TGFBRAP1: variants seen among roughly 807,000 people sequenced by gnomAD.
The protein encoded by TGFBRAP1 is transforming growth factor-beta receptor-associated protein 1.
In TGFBRAP1, 20 loss-of-function variants were observed where a neutral mutation model predicts 83.2. That is an observed-to-expected ratio of 0.24 (90% CI 0.17 to 0.35). The LOEUF is 0.35. Among genes scored for constraint, TGFBRAP1 ranks in the 10% least tolerant of loss-of-function variants. The pLI is 1.00. For missense variants in TGFBRAP1, 950 were observed against 1,099.4 expected (o/e 0.86, Z 1.92); for synonymous variants, 415 against 459.8 (o/e 0.90, Z 1.25).
At chr2:105,254,159 CT>C in the TGFBRAP1 span, among the ~76,000 whole-genome samples, 1 of 151,848 alleles carries the variant, frequency 6.6e-6, no homozygotes, top group Non-Finnish European at 1.5e-5. Flanking sequence ...CTAAAATAAA[CT>C]TCTAAAAGTG....
chr2:105,276,649 T>C (rs1677360203), intron 7 of TGFBRAP1, among the ~76,000 whole-genome samples: 2 of 152,250 alleles, frequency 1.3e-5, no homozygotes, highest in African/African-American at 4.8e-5. Flanking sequence ...ACAGCTCTGC[T>C]AAAGTTATTA....
chr2:105,305,891 G>A (rs1678478726), intron 2 of TGFBRAP1, among the ~76,000 whole-genome samples: 1 of 152,126 alleles, frequency 6.6e-6, no homozygotes, highest in Non-Finnish European at 1.5e-5. Context: ...CTGACCTCAG[G>A]TGATCTGCCT....
chr2:105,321,017 C>T (rs1679042551), intron 1 of TGFBRAP1, among the ~76,000 whole-genome samples: 1 of 152,202 alleles, frequency 6.6e-6, no homozygotes, highest in African/African-American at 2.4e-5. Context: ...TCAGAATGGG[C>T]TCTGGGGGAC....
At position 105,294,307 on chromosome 2, in the gene TGFBRAP1, G is replaced by GGTGTGTGTGTGTGT. The variant is rs3060066; in HGVS notation, c.1038+2035_1038+2048dup. On this transcript the variant is annotated intron_variant, in intron 4 of 11. Transcript: ENST00000393359. ...TAGGCATGTGCTTCATAGGAGTGAG[G>GGTGTGTGTGTGTGT]GTGTGTGTGTGTGTGTGTGTGTGTG... is the stretch of plus-strand genomic sequence containing the variant. Among the ~76,000 whole-genome samples, 1,015 of 147,974 alleles carry GGTGTGTGTGTGTGT rather than the reference G, an allele frequency of 6.9e-3. 13 individuals are homozygous for GGTGTGTGTGTGTGT. Among genetic ancestry groups the GGTGTGTGTGTGTGT allele is most frequent in the African/African-American group, 0.024 (962 of 39,866 alleles).
chr2:105,309,577 A>G (rs1410189241), intron 1 of TGFBRAP1, among the ~76,000 whole-genome samples: 2 of 152,088 alleles, frequency 1.3e-5, no homozygotes, highest in African/African-American at 4.8e-5. Flanking sequence ...GGAATTCTAC[A>G]ATTTTGTGTC....
At chr2:105,329,570 A>C (rs1180488066) in intron 1 of TGFBRAP1, 55 bp downstream of exon 1, 1 of 84,734 alleles carries the variant, frequency 1.2e-5, no homozygotes, top group African/African-American at 4.4e-5. Flanking sequence ...CTCCTGCCCC[A>C]CGCGCCCCGC....
chr2:105,293,364 A>G (rs1161790096), intron 4 of TGFBRAP1, among the ~76,000 whole-genome samples: 2 of 152,336 alleles, frequency 1.3e-5, no homozygotes, highest in East Asian at 1.9e-4. Flanking sequence ...CTTGCTTTCT[A>G]AAGTTCTGAA....
chr2:105,267,676 G>T, intron 11 of TGFBRAP1, 117 bp from the exon 12 acceptor site: 1 of 1,495,278 alleles, frequency 6.7e-7, no homozygotes, highest in Middle Eastern at 1.8e-4. Flanking sequence ...TTATGATGAG[G>T]ATTTCTTTAA....
chr2:105,307,526 T>C, intron 2 of TGFBRAP1, 88 bp downstream of exon 2: 1 of 1,372,454 alleles, frequency 7.3e-7, no homozygotes, highest in Admixed American at 2.1e-5. Context: ...GGATTTATTC[T>C]GCACAGCGCC....
chr2:105,273,679 C>G lies in TGFBRAP1; in HGVS notation c.1677G>C (p.Gln559His), dbSNP rs1488027435. Reference sequence around the variant, plus strand: ...CATCCAAAGGTCTCTTGGTGAAAACCTGAACTCCGACCTGAAAGAGGAGCG... The same window carrying G: ...CATCCAAAGGTCTCTTGGTGAAAACGTGAACTCCGACCTGAAAGAGGAGCG... ...VLQKSEEVGV[Q>H]VFTKRPLDEQ... Residue 559 changes from glutamine to histidine, a missense_variant, in exon 9 of 12, where the codon CAG becomes CAC. Transcript: ENST00000393359. 1 of 1,614,084 alleles carries G rather than the reference C, an allele frequency of 6.2e-7. No homozygotes were observed. The highest frequency in any genetic ancestry group is 1.7e-5 in the Admixed American group (1 of 60,006).
intron 11 of TGFBRAP1, 121 bp from the exon 12 acceptor site, chr2:105,267,680 T>A: frequency 2.0e-6 from 3 of 1,490,674 alleles, no homozygotes; most frequent in Non-Finnish European, 2.7e-6. Flanking sequence ...GATGAGGATT[T>A]CTTTAATATC....
Position 105,307,861 on chromosome 2 carries a change from GGT to G in TGFBRAP1, c.439_440del (p.Thr147HisfsTer60). 6.2e-7 allele frequency: 1 copy of G among 1,614,230 alleles called. No homozygotes were observed. The highest frequency in any genetic ancestry group is 8.5e-7 in the Non-Finnish European group (1 of 1,180,048). ...CCTCGTACACCAGAAACATCTGGAT[GGT>G]TCTGCGTTTGACAGAGATGATGCAA... ...EVCIISVKRR[T>X]IQMFLVYEDR... On this transcript the variant is annotated frameshift_variant, in exon 2 of 12. Transcript: ENST00000393359. LOFTEE classifies it high-confidence loss of function.
intron 1 of TGFBRAP1, among the ~76,000 whole-genome samples, chr2:105,317,061 A>G (rs1416006962): frequency 6.7e-6 from 1 of 150,334 alleles, no homozygotes; most frequent in African/African-American, 2.5e-5. Context: ...CCGTGTATAC[A>G]CATGTACAGT....
intron 7 of TGFBRAP1, among the ~76,000 whole-genome samples, chr2:105,277,234 C>T (rs1677380188): frequency 6.6e-6 from 1 of 152,278 alleles, no homozygotes; most frequent in South Asian, 2.1e-4. Context: ...AATAATGTAC[C>T]CAGCTCATTG....
In TGFBRAP1 at chr2:105,307,597, A is replaced by G; in HGVS notation, c.688+17T>C. On this transcript the variant is annotated intron_variant, in intron 2 of 11. Transcript: ENST00000393359. ...GGCCACCCAAAAAGATCAGGCGCAC[A>G]AATGCATCCTCCTCACCCAGCCCTC... is the stretch of plus-strand genomic sequence containing the variant. 6.3e-7 allele frequency: 1 copy of G among 1,588,376 alleles called. No homozygotes were observed. Among genetic ancestry groups the G allele is most frequent in the Non-Finnish European group, 8.6e-7 (1 of 1,169,240 alleles).
chr2:105,276,804 C>T (rs1361707165), intron 7 of TGFBRAP1, among the ~76,000 whole-genome samples: 2 of 152,126 alleles, frequency 1.3e-5, no homozygotes, highest in African/African-American at 4.8e-5. Flanking sequence ...TTCTGCTCTG[C>T]AATCAGGTTA....
intron 2 of TGFBRAP1, among the ~76,000 whole-genome samples, chr2:105,299,612 G>C (rs907072095): frequency 1.3e-5 from 2 of 152,028 alleles, no homozygotes; most frequent in African/African-American, 4.8e-5. Context: ...AAAAGGGCAA[G>C]GACCTGGGGC....
intron 1 of TGFBRAP1, among the ~76,000 whole-genome samples, chr2:105,317,744 G>A (rs1473193484): frequency 6.6e-6 from 1 of 152,166 alleles, no homozygotes; most frequent in African/African-American, 2.4e-5. Context: ...CTGACATCAT[G>A]TATCTGACTA....
chr2:105,313,428 C>A (rs1026961047), intron 1 of TGFBRAP1, among the ~76,000 whole-genome samples: 23 of 152,218 alleles, frequency 1.5e-4, no homozygotes, highest in Non-Finnish European at 1.6e-4. Flanking sequence ...CACTGTCTAT[C>A]CTACAAAGCA....
Sources: gnomAD v4.1 joint callset for allele counts (sites outside exome capture counted in the v4.1 genomes callset) on GRCh38, gnomAD v4.1.1 for gene constraint, MANE v1.5 for transcripts, NCBI Gene and HGNC (gene_info 2026-07-23, HGNC 2026-07-21) for gene names.